SOS2: variants seen among roughly 807,000 people sequenced by gnomAD.
The protein encoded by SOS2 is SOS Ras/Rho guanine nucleotide exchange factor 2, also known as son of sevenless homolog 2.
In SOS2, 65 loss-of-function variants were observed where a neutral mutation model predicts 148.2. The observed-to-expected ratio is 0.44, with a 90% confidence interval of 0.36 to 0.54. SOS2 has a LOEUF of 0.54. SOS2 is among the 20% of genes least tolerant of loss of function. The probability of loss-of-function intolerance (pLI) is 0.00; values close to 1 mark genes in which losing one functional copy is unlikely to be tolerated. For synonymous variants in SOS2, 539 were observed against 537.1 expected (o/e 1.00, Z -0.05); for missense variants, 1,341 against 1,590.2 (o/e 0.84, Z 2.67).
intron 1 of SOS2, among the ~76,000 whole-genome samples, chr14:50,230,523 T>A (rs901882979): frequency 6.6e-6 from 1 of 152,030 alleles, no homozygotes; most frequent in Non-Finnish European, 1.5e-5. Context: ...TTTGCAGGAG[T>A]TGCCCCTTTC....
At chr14:50,225,248 C>A (rs1027856941) in intron 1 of SOS2, among the ~76,000 whole-genome samples, 13 of 152,148 alleles carry the variant, frequency 8.5e-5, no homozygotes, top group African/African-American at 3.1e-4. Context: ...AGCTACTGCA[C>A]CTGGCCCATG....
Position 50,159,930 on chromosome 14 carries a change from G to A in SOS2, c.1353C>T (p.Ile451=), listed in dbSNP as rs2139629607. The A allele has an allele frequency of 4.3e-6, 7 of 1,614,052 alleles. No individual in the cohort carries two copies. Among genetic ancestry groups the A allele is most frequent in the Middle Eastern group, 1.6e-4 (1 of 6,062 alleles). Residue 451 remains isoleucine, a synonymous_variant, in exon 10 of 23, where the codon ATC becomes ATT. Transcript: ENST00000216373. ...AAATATGCCGTTCATGTTTGGCACCGATTCTTGTCAATGGTCCCTCCATAA... is the reference window on the plus strand; with the variant it reads ...AAATATGCCGTTCATGTTTGGCACCAATTCTTGTCAATGGTCCCTCCATAA... ...EFIMEGPLTR[I]GAKHERHIFL...
chr14:50,177,946 T>A (rs1428445733), intron 7 of SOS2, among the ~76,000 whole-genome samples: 1 of 152,080 alleles, frequency 6.6e-6, no homozygotes, highest in Non-Finnish European at 1.5e-5. Flanking sequence ...AGTGATGGCC[T>A]GGAAATACAA....
chr14:50,177,756 GATA>G (rs1219647869), intron 7 of SOS2, among the ~76,000 whole-genome samples: 1 of 152,080 alleles, frequency 6.6e-6, no homozygotes, highest in Non-Finnish European at 1.5e-5. Context: ...AGAAGTGGAA[GATA>G]ATAAACAATG....
chr14:50,210,604 T>C (rs1341054769), intron 1 of SOS2, among the ~76,000 whole-genome samples: 1 of 151,982 alleles, frequency 6.6e-6, no homozygotes, highest in Non-Finnish European at 1.5e-5. Flanking sequence ...AAAAGGCAAG[T>C]TACAGAGTTG....
rs1488158197 is a variant in SOS2, at chr14:50,157,067, T to C, written c.1989A>G (p.Lys663=). 1.9e-6 allele frequency: 3 copies of C among 1,612,646 alleles called. No homozygotes were observed. The highest frequency in any genetic ancestry group is 2.7e-5 in the African/African-American group (2 of 74,908). The change falls in exon 12 of 23, where the codon AAA becomes AAG. Residue 663 remains lysine, a synonymous_variant. Transcript: ENST00000216373. ...GGTCTGCACTGATTGGCTGCTCGCC[T>C]TTCTCTATTGCCAATTTGTCTGCGT... ...PTDADKLAIE[K]GEQPISADLK...
chr14:50,208,385 C>T (rs536336376), intron 1 of SOS2, among the ~76,000 whole-genome samples: 3 of 152,134 alleles, frequency 2.0e-5, no homozygotes, highest in South Asian at 2.1e-4. Context: ...GGTGCGGTGG[C>T]TCAGACCTGT....
intron 10 of SOS2, 90 bp downstream of exon 10, chr14:50,159,341 T>A (rs1024181171): frequency 1.4e-5 from 11 of 784,394 alleles, no homozygotes; most frequent in Non-Finnish European, 2.0e-5. Flanking sequence ...GCAATCCATT[T>A]TTTCCCCAAG....
chr14:50,138,555 T>TA (rs1884161805), intron 18 of SOS2, 57 bp downstream of exon 18: 1 of 800,092 alleles, frequency 1.2e-6, no homozygotes, highest in Admixed American at 2.8e-5. Context: ...TTCTATTTTT[T>TA]TTTTTTGGTA....
At chr14:50,158,871 G>C (rs1884902687) in intron 10 of SOS2, among the ~76,000 whole-genome samples, 1 of 152,070 alleles carries the variant, frequency 6.6e-6, no homozygotes, top group Non-Finnish European at 1.5e-5. Context: ...TAATAAGCGA[G>C]GATTGTTTTC....
At chr14:50,149,007 C>A (rs1299450483) in intron 14 of SOS2, among the ~76,000 whole-genome samples, 1 of 152,190 alleles carries the variant, frequency 6.6e-6, no homozygotes, top group African/African-American at 2.4e-5. Flanking sequence ...CCCACCTCAG[C>A]CTCCTGGGCA....
At chr14:50,121,625 T>G (rs566035815) in intron 21 of SOS2, among the ~76,000 whole-genome samples, 1 of 150,888 alleles carries the variant, frequency 6.6e-6, no homozygotes, top group Admixed American at 6.6e-5. Flanking sequence ...AGGCAGAGGA[T>G]GTTCCTAAAC....
rs1886471725 is a variant in SOS2, at chr14:50,201,104, C to T, written c.214-20G>A. 1.2e-6 allele frequency: 2 copies of T among 1,610,340 alleles called. No homozygotes were observed. The highest frequency in any genetic ancestry group is 1.7e-6 in the Non-Finnish European group (2 of 1,178,030). On this transcript the variant is annotated intron_variant, in intron 2 of 22. Coordinates refer to ENST00000216373, the MANE Select transcript of SOS2 (RefSeq NM_006939.4). ...TCGCTCCTGCTCAATCACAGCAGAACCATTGTAGTATTAATAAAAGTGTTC... is the reference window on the plus strand; with the variant it reads ...TCGCTCCTGCTCAATCACAGCAGAATCATTGTAGTATTAATAAAAGTGTTC...
intron 13 of SOS2, among the ~76,000 whole-genome samples, chr14:50,151,482 T>C (rs538710072): frequency 1.3e-5 from 2 of 152,356 alleles, no homozygotes; most frequent in South Asian, 2.1e-4. Flanking sequence ...CCTAGGTTTA[T>C]TATTTTACTA....
intron 14 of SOS2, among the ~76,000 whole-genome samples, chr14:50,146,813 T>C (rs1884490411): frequency 6.6e-6 from 1 of 152,196 alleles, no homozygotes; most frequent in Non-Finnish European, 1.5e-5. Flanking sequence ...TAACTAGAAC[T>C]GTATTCATTG....
chr14:50,203,343 G>A (rs735210), intron 2 of SOS2, among the ~76,000 whole-genome samples: 132,731 of 152,002 alleles, frequency 0.87, 58,039 homozygotes, highest in East Asian at 0.91. Context: ...ACCCCAGCCC[G>A]GGCGACAGAG....
intron 1 of SOS2, among the ~76,000 whole-genome samples, chr14:50,217,116 C>G (rs1304078837): frequency 6.6e-6 from 1 of 152,072 alleles, no homozygotes. Flanking sequence ...GGAAAACAAT[C>G]AATAGAACAG....
rs1041710289 is a variant in SOS2, at chr14:50,215,484, A to T, written c.88-11075T>A. The stretch of plus-strand genomic sequence containing the variant: ...CCACGACAGAACCAATTTGCCTATC[A>T]TATTTTTTGAAAGCCTAGTCAGAAA... On this transcript the variant is annotated intron_variant, in intron 1 of 22. Transcript: ENST00000216373. 32 of 1,241,948 alleles carry T rather than the reference A, an allele frequency of 2.6e-5. No homozygotes were observed. The African/African-American group carries it at 4.0e-4, about 15-fold the overall frequency. 76.9% of individuals were successfully genotyped at this position (1,241,948 alleles called of 1,614,324 possible).
At chr14:50,194,860 G>A (rs538785549) in intron 4 of SOS2, among the ~76,000 whole-genome samples, 6 of 151,036 alleles carry the variant, frequency 4.0e-5, no homozygotes, top group South Asian at 2.1e-4. Context: ...GCGTGATCTC[G>A]GCTCACTGCA....
Sources: gnomAD v4.1 joint callset for allele counts (sites outside exome capture counted in the v4.1 genomes callset) on GRCh38, gnomAD v4.1.1 for gene constraint, MANE v1.5 for transcripts, NCBI Gene and HGNC (gene_info 2026-07-23, HGNC 2026-07-21) for gene names.